Variants in DEPTOR observed in about 807,000 individuals in gnomAD.
DEPTOR encodes DEP domain containing MTOR interacting protein.
Under a neutral mutation model 41.6 loss-of-function variants are expected in DEPTOR, and 41 were observed. The observed-to-expected ratio is 0.98, with a 90% confidence interval of 0.77 to 1.28. The LOEUF is 1.28. DEPTOR is among the 50% of genes most tolerant of loss of function. DEPTOR has a pLI of 0.00. For missense variants in DEPTOR, 514 were observed against 527.9 expected (o/e 0.97, Z 0.26); for synonymous variants, 195 against 192.3 (o/e 1.01, Z -0.12).
chr8:119,904,079 G>A (rs1388279703), intron 1 of DEPTOR, among the ~76,000 whole-genome samples: 3 of 151,820 alleles, frequency 2.0e-5, no homozygotes, highest in African/African-American at 4.8e-5. Flanking sequence ...AAAGGCACTC[G>A]ATTTAATTGG....
At chr8:119,966,258 A>G (rs1419313798) in intron 4 of DEPTOR, among the ~76,000 whole-genome samples, 1 of 152,146 alleles carries the variant, frequency 6.6e-6, no homozygotes, top group Non-Finnish European at 1.5e-5. Flanking sequence ...TGAGGTGAGG[A>G]GTTCAAGACC....
intron 1 of DEPTOR, among the ~76,000 whole-genome samples, chr8:119,894,036 G>T (rs1432195787): frequency 1.3e-5 from 2 of 152,148 alleles, no homozygotes; most frequent in Non-Finnish European, 2.9e-5. Context: ...AACAGCTTGT[G>T]TGAAAGGAAA....
At chr8:119,885,862 C>CT (rs1563956634) in intron 1 of DEPTOR, among the ~76,000 whole-genome samples, 2 of 151,992 alleles carry the variant, frequency 1.3e-5, no homozygotes, top group South Asian at 4.1e-4. Context: ...ATTAATTCAT[C>CT]TTTTTTTGGA....
chr8:119,930,968 T>C (rs1301403570), intron 3 of DEPTOR, among the ~76,000 whole-genome samples: 1 of 152,084 alleles, frequency 6.6e-6, no homozygotes, highest in East Asian at 1.9e-4. Context: ...TCCTAGCACT[T>C]TGGGAGGCCG....
intron 1 of DEPTOR, among the ~76,000 whole-genome samples, chr8:119,927,138 G>T (rs1827973448): frequency 6.6e-6 from 1 of 152,136 alleles, no homozygotes; most frequent in South Asian, 2.1e-4. Flanking sequence ...AGGGAAAGGA[G>T]ATAGGAGAAT....
At chr8:120,021,017 C>T (rs1234226180) in intron 8 of DEPTOR, among the ~76,000 whole-genome samples, 2 of 136,640 alleles carry the variant, frequency 1.5e-5, no homozygotes, top group Non-Finnish European at 3.2e-5. Context: ...TGAGATCACA[C>T]CCCTGCACTC....
intron 3 of DEPTOR, among the ~76,000 whole-genome samples, chr8:119,959,267 A>G (rs1813772410): frequency 7.1e-6 from 1 of 141,196 alleles, no homozygotes; most frequent in East Asian, 2.1e-4. Context: ...GGCTCACGCC[A>G]TTCTCCTGCC....
chr8:120,039,559 AT>A (rs1191904731), intron 8 of DEPTOR, among the ~76,000 whole-genome samples: 1 of 119,580 alleles, frequency 8.4e-6, no homozygotes, highest in Non-Finnish European at 1.7e-5. Flanking sequence ...AATCAAAATA[AT>A]TTTTCTTTCA....
intron 3 of DEPTOR, among the ~76,000 whole-genome samples, chr8:119,959,158 CTTTTTT>C (rs60202859): frequency 8.7e-6 from 1 of 114,870 alleles, no homozygotes. Context: ...TTCTTTCTTT[CTTTTTT>C]TTTTTTTTTT....
chr8:119,976,562 T>A (rs1272589142), intron 4 of DEPTOR, among the ~76,000 whole-genome samples: 1 of 152,050 alleles, frequency 6.6e-6, no homozygotes, highest in African/African-American at 2.4e-5. Flanking sequence ...AGCCAGCTGA[T>A]AGTTAAAGGA....
intron 4 of DEPTOR, among the ~76,000 whole-genome samples, chr8:119,999,292 AG>A (rs1211007067): frequency 6.6e-6 from 1 of 151,820 alleles, no homozygotes; most frequent in African/African-American, 2.4e-5. Context: ...AGAAAAAAAA[AG>A]GAAATAAAAT....
At chr8:119,969,124 TC>T (rs1332899405) in intron 4 of DEPTOR, among the ~76,000 whole-genome samples, 37 of 151,856 alleles carry the variant, frequency 2.4e-4, no homozygotes, top group Non-Finnish European at 5.2e-4. Context: ...GATACCAACT[TC>T]TAGGAGAAAA....
chr8:119,974,433 G>C (rs1013180051), intron 4 of DEPTOR, among the ~76,000 whole-genome samples: 1 of 151,884 alleles, frequency 6.6e-6, no homozygotes, highest in Non-Finnish European at 1.5e-5. Context: ...TGTAAATATG[G>C]GTGAAAATCC....
At chr8:119,988,962 T>TC (rs1563583775) in intron 4 of DEPTOR, among the ~76,000 whole-genome samples, 3 of 140,528 alleles carry the variant, frequency 2.1e-5, no homozygotes, top group Non-Finnish European at 3.1e-5. Context: ...TTTTTTCTTT[T>TC]TTTTTTTTTT....
chr8:119,907,455 C>G (rs563301367), intron 1 of DEPTOR, among the ~76,000 whole-genome samples: 1 of 152,156 alleles, frequency 6.6e-6, no homozygotes, highest in African/African-American at 2.4e-5. Context: ...ACAGCTTTTG[C>G]TTGTACTAAA....
intron 1 of DEPTOR, among the ~76,000 whole-genome samples, chr8:119,920,991 T>TTTG (rs1554673635): frequency 0.2 from 30,108 of 150,992 alleles, 3,187 homozygotes; most frequent in Middle Eastern, 0.34. Context: ...TTTTTTTTTT[T>TTTG]TTTGAGACAG....
intron 1 of DEPTOR, among the ~76,000 whole-genome samples, chr8:119,907,505 C>T (rs879893272): frequency 7.2e-5 from 11 of 152,088 alleles, no homozygotes; most frequent in Non-Finnish European, 1.5e-4. Context: ...GATTCCTGCC[C>T]TTAGGGAGAT....
chr8:119,910,334 G>A (rs1293307591), intron 1 of DEPTOR, among the ~76,000 whole-genome samples: 2 of 152,144 alleles, frequency 1.3e-5, no homozygotes, highest in African/African-American at 2.4e-5. Flanking sequence ...TCCTGAGGGT[G>A]GTCAGATATG....
intron 8 of DEPTOR, among the ~76,000 whole-genome samples, chr8:120,046,986 G>A (rs1813162225): frequency 6.6e-6 from 1 of 152,184 alleles, no homozygotes; most frequent in South Asian, 2.1e-4. Flanking sequence ...TATGATCACA[G>A]CTTCTGATTG....
Sources: gnomAD v4.1 joint callset for allele counts (sites outside exome capture counted in the v4.1 genomes callset) on GRCh38, gnomAD v4.1.1 for gene constraint, MANE v1.5 for transcripts, NCBI Gene and HGNC (gene_info 2026-07-23, HGNC 2026-07-21) for gene names.